ELF1: variants seen among roughly 807,000 people sequenced by gnomAD.
ELF1 encodes the protein ETS-related transcription factor Elf-1.
ELF1 carries 24 observed loss-of-function variants against 59.9 expected under a neutral mutation model. That is an observed-to-expected ratio of 0.40 (90% CI 0.29 to 0.56). The LOEUF is 0.56. Ranked by LOEUF, ELF1 falls within the 20% of genes least tolerant of loss-of-function variation. The pLI is 0.44. For missense variants in ELF1, 627 were observed against 742.2 expected (o/e 0.84, Z 1.80); for synonymous variants, 248 against 266.2 (o/e 0.93, Z 0.67).
At chr13:40,959,957 C>T (rs192130235) in intron 2 of ELF1, among the ~76,000 whole-genome samples, 7 of 152,242 alleles carry the variant, frequency 4.6e-5, no homozygotes, top group Middle Eastern at 3.4e-3. Context: ...TTGAGATAAT[C>T]GCAGACTTAT....
chr13:41,033,011 C>T (rs1477723118), intron 1 of ELF1, among the ~76,000 whole-genome samples: 1 of 152,108 alleles, frequency 6.6e-6, no homozygotes, highest in Non-Finnish European at 1.5e-5. Context: ...GAACTCTTAG[C>T]CCCCAAAATG....
chr13:41,002,169 C>A (rs1370997588), intron 1 of ELF1, among the ~76,000 whole-genome samples: 2 of 152,136 alleles, frequency 1.3e-5, no homozygotes, highest in African/African-American at 4.8e-5. Context: ...AGCTGATTTA[C>A]TTAGGGGTAA....
chr13:41,032,684 T>C (rs1876212375), intron 1 of ELF1, among the ~76,000 whole-genome samples: 2 of 151,776 alleles, frequency 1.3e-5, no homozygotes, highest in South Asian at 4.2e-4. Flanking sequence ...ACCCTGTCTC[T>C]ACAAAAAATA....
chr13:41,018,332 G>C (rs939797311), intron 1 of ELF1, among the ~76,000 whole-genome samples: 1 of 152,116 alleles, frequency 6.6e-6, no homozygotes, highest in East Asian at 1.9e-4. Context: ...GGAAAAGACT[G>C]AGCAATCTTT....
chr13:40,992,219 G>T (rs1166444598), intron 1 of ELF1, among the ~76,000 whole-genome samples: 1 of 152,308 alleles, frequency 6.6e-6, no homozygotes, highest in East Asian at 1.9e-4. Flanking sequence ...GCCCAAAGTC[G>T]CATGAGACAG....
intron 2 of ELF1, among the ~76,000 whole-genome samples, chr13:40,969,433 C>T (rs1042681308): frequency 6.6e-6 from 1 of 152,174 alleles, no homozygotes; most frequent in Admixed American, 6.5e-5. Context: ...CCTCATTATA[C>T]ATGTTTTCCT....
chr13:41,003,216 A>AC (rs1160731747), intron 1 of ELF1, among the ~76,000 whole-genome samples: 11 of 151,998 alleles, frequency 7.2e-5, no homozygotes, highest in African/African-American at 2.4e-4. Context: ...ATACATCAAC[A>AC]CCCCCCAACA....
At chr13:41,031,052 A>G (rs1371037650) in intron 1 of ELF1, among the ~76,000 whole-genome samples, 1 of 151,664 alleles carries the variant, frequency 6.6e-6, no homozygotes, top group East Asian at 1.9e-4. Flanking sequence ...GGTCCCAGCT[A>G]CTCAAGTGGC....
intron 2 of ELF1, among the ~76,000 whole-genome samples, chr13:40,979,645 C>T (rs945241953): frequency 6.6e-6 from 1 of 152,130 alleles, no homozygotes; most frequent in African/African-American, 2.4e-5. Context: ...AATCAACATA[C>T]ACACAAATAT....
chr13:41,057,151 CTTT>C (rs11358975), intron 1 of ELF1, among the ~76,000 whole-genome samples: 38 of 131,590 alleles, frequency 2.9e-4, no homozygotes, highest in Non-Finnish European at 3.6e-4. Flanking sequence ...ACTTTCACGT[CTTT>C]TTTTTTTTTT....
intron 1 of ELF1, chr13:40,982,944 G>GCTTC (rs1873362684): frequency 1.1e-6 from 1 of 891,412 alleles, no homozygotes; most frequent in Non-Finnish European, 1.3e-6. Flanking sequence ...GCAACAGGAA[G>GCTTC]GAAACAGCAC....
intron 1 of ELF1, among the ~76,000 whole-genome samples, chr13:41,042,304 CTTTTTT>C (rs60867312): frequency 2.7e-5 from 4 of 146,468 alleles, no homozygotes; most frequent in African/African-American, 5.0e-5. Flanking sequence ...TTTTCTTTTT[CTTTTTT>C]TTTTTATTAT....
intron 1 of ELF1, among the ~76,000 whole-genome samples, chr13:41,028,859 G>A (rs1371429640): frequency 6.6e-6 from 1 of 152,010 alleles, no homozygotes; most frequent in Non-Finnish European, 1.5e-5. Context: ...TCAGCCTCCC[G>A]AGTAGCTGGG....
intron 2 of ELF1, among the ~76,000 whole-genome samples, chr13:40,978,620 G>C (rs1462719655): frequency 1.3e-5 from 2 of 151,948 alleles, no homozygotes; most frequent in African/African-American, 2.4e-5. Context: ...TTCTAATGTA[G>C]TGACCATAAT....
intron 1 of ELF1, among the ~76,000 whole-genome samples, chr13:41,014,583 T>C (rs1394040082): frequency 2.6e-5 from 4 of 152,162 alleles, no homozygotes; most frequent in African/African-American, 9.7e-5. Flanking sequence ...AACTCTTTTG[T>C]AGGTTCTCCA....
chr13:41,012,069 G>C (rs1875094965), intron 1 of ELF1, among the ~76,000 whole-genome samples: 1 of 152,074 alleles, frequency 6.6e-6, no homozygotes, highest in Non-Finnish European at 1.5e-5. Context: ...GACTTTGGGA[G>C]GCTAAGGTAG....
chr13:41,028,829 G>A (rs1247851366), intron 1 of ELF1, among the ~76,000 whole-genome samples: 1 of 152,136 alleles, frequency 6.6e-6, no homozygotes, highest in Non-Finnish European at 1.5e-5. Context: ...TGCCTCCCAG[G>A]TTCAAGCGAT....
At chr13:41,034,419 C>T (rs532396977) in intron 1 of ELF1, among the ~76,000 whole-genome samples, 4 of 152,236 alleles carry the variant, frequency 2.6e-5, no homozygotes, top group South Asian at 2.1e-4. Flanking sequence ...AAAATATACA[C>T]GACTTCTTTG....
In ELF1 at chr13:40,980,665, T is replaced by C. The variant is rs1466171153; in HGVS notation, c.72+1318A>G. Among the ~76,000 whole-genome samples, 4 of 152,272 alleles carry C rather than the reference T, an allele frequency of 2.6e-5. No individual in the cohort carries two copies. In the East Asian group the frequency reaches 7.7e-4, roughly 29 times the overall value. On this transcript the variant is annotated intron_variant, in intron 2 of 8. Transcript: ENST00000239882. ...TGTCCTCTGCTGCTACATCCTGAGA[T>C]CAAACCTCACCACATCAAGCCTAGC...
Sources: allele counts gnomAD v4.1 joint callset (sites outside exome capture counted in the v4.1 genomes callset), GRCh38; gene constraint gnomAD v4.1.1; transcripts MANE v1.5; gene names NCBI Gene and HGNC (gene_info 2026-07-23, HGNC 2026-07-21).